Variants in ADAMTS18 observed in about 807,000 individuals in gnomAD.
The protein encoded by ADAMTS18 is A disintegrin and metalloproteinase with thrombospondin motifs 18.
In ADAMTS18, 157 loss-of-function variants were observed where a neutral mutation model predicts 165.9. The ratio of observed to expected loss-of-function variants is 0.95; its 90% confidence interval spans 0.83 to 1.08. ADAMTS18 has a LOEUF of 1.08. Ranked by LOEUF, ADAMTS18 falls within the 50% of genes least tolerant of loss-of-function variation. The pLI is 0.00. For missense variants in ADAMTS18, 2,040 were observed against 1,534.0 expected, an observed-to-expected ratio of 1.33 and a Z score of -5.51; for synonymous variants, 782 against 578.2, an observed-to-expected ratio of 1.35 and a Z score of -5.06.
chr16:77,294,254 G>A (rs1406330954), intron 19 of ADAMTS18, among the ~76,000 whole-genome samples: 1 of 152,072 alleles, frequency 6.6e-6, no homozygotes, highest in African/African-American at 2.4e-5. Flanking sequence ...CTGACATTTT[G>A]GATCAGATAA....
intron 2 of ADAMTS18, chr16:77,432,365 G>C (rs1387034893): frequency 6.6e-6 from 1 of 152,224 alleles, no homozygotes; most frequent in African/African-American, 2.4e-5. Flanking sequence ...GCATGTTGGT[G>C]GGGGAGTGTC....
chr16:77,336,050 G>A, intron 11 of ADAMTS18, 146 bp from the exon 12 acceptor site: 1 of 992,136 alleles, frequency 1.0e-6, no homozygotes, highest in South Asian at 1.3e-5. Context: ...CCTCTGCTGT[G>A]CTCTAAAAAC....
rs541200283 is a variant in ADAMTS18 at position 77,360,950 on chromosome 16, G to A, written c.1216+1155C>T. On this transcript the variant is annotated intron_variant, in intron 7 of 22. Transcript: ENST00000282849. ...AAAATACAAAAATTAGCCAGGTGTG[G>A]TGGTGGGTGCCTGTAAACCCAGCTA... Among the ~76,000 whole-genome samples, 5 of 152,210 alleles carry A rather than the reference G, an allele frequency of 3.3e-5. No homozygotes were observed. In the South Asian group the frequency reaches 6.2e-4, roughly 19 times the overall value.
At chr16:77,348,363 G>C (rs187921843) in intron 10 of ADAMTS18, among the ~76,000 whole-genome samples, 2 of 152,268 alleles carry the variant, frequency 1.3e-5, no homozygotes, top group African/African-American at 4.8e-5. Context: ...CACTGCATTA[G>C]ACCAACTATC....
intron 18 of ADAMTS18, among the ~76,000 whole-genome samples, chr16:77,295,449 A>T (rs2055451212): frequency 1.3e-5 from 2 of 152,164 alleles, no homozygotes; most frequent in Admixed American, 1.3e-4. Context: ...GGACTCTCCT[A>T]AGCATTAGGA....
intron 16 of ADAMTS18, among the ~76,000 whole-genome samples, chr16:77,317,198 A>T (rs2055902996): frequency 6.6e-6 from 1 of 152,088 alleles, no homozygotes; most frequent in South Asian, 2.1e-4. Context: ...GTAGTGCTGT[A>T]CTGTACCCTC....
intron 3 of ADAMTS18, among the ~76,000 whole-genome samples, chr16:77,379,382 C>G (rs2056999512): frequency 6.6e-6 from 1 of 152,186 alleles, no homozygotes; most frequent in Non-Finnish European, 1.5e-5. Context: ...AAATGAATGG[C>G]TATTGCTGGG....
At chr16:77,373,427 C>A (rs2056904637) in intron 3 of ADAMTS18, among the ~76,000 whole-genome samples, 1 of 150,458 alleles carries the variant, frequency 6.6e-6, no homozygotes, top group African/African-American at 2.5e-5. Flanking sequence ...CCACTGCACT[C>A]CAGCCTGGGC....
intron 13 of ADAMTS18, among the ~76,000 whole-genome samples, chr16:77,325,464 T>C (rs2056076697): frequency 6.6e-6 from 1 of 152,160 alleles, no homozygotes; most frequent in Admixed American, 6.5e-5. Context: ...ATGCTTGTAA[T>C]CAACTGACAT....
intron 3 of ADAMTS18, among the ~76,000 whole-genome samples, chr16:77,376,809 CTTTTTTTTTTT>C (rs549942617): frequency 9.7e-6 from 1 of 103,484 alleles, no homozygotes; most frequent in African/African-American, 3.7e-5. Flanking sequence ...CTAAATCATT[CTTTTTTTTTTT>C]TTTTTTTTTT....
intron 12 of ADAMTS18, 33 bp downstream of exon 12, chr16:77,335,723 C>T (rs751782881): frequency 5.0e-6 from 8 of 1,613,920 alleles, no homozygotes; most frequent in Admixed American, 3.3e-5. Flanking sequence ...AGGTTAAGGC[C>T]TTGCAAAGAC....
chr16:77,370,218 C>T (rs1057027865), intron 3 of ADAMTS18, among the ~76,000 whole-genome samples: 1 of 152,118 alleles, frequency 6.6e-6, no homozygotes, highest in Non-Finnish European at 1.5e-5. Flanking sequence ...CTACATAGTA[C>T]TGGAAGTCCT....
chr16:77,411,532 A>G (rs890194264), intron 3 of ADAMTS18, among the ~76,000 whole-genome samples: 2 of 152,164 alleles, frequency 1.3e-5, no homozygotes, highest in Admixed American at 6.6e-5. Context: ...GACAGGCATT[A>G]TTCAAATAAG....
At chr16:77,412,012 T>C (rs1452224144) in intron 3 of ADAMTS18, among the ~76,000 whole-genome samples, 2 of 151,776 alleles carry the variant, frequency 1.3e-5, no homozygotes, top group African/African-American at 4.8e-5. Context: ...TAAGCATCAT[T>C]CTGGGTGTGT....
At chr16:77,415,458 G>C (rs72801674) in intron 3 of ADAMTS18, among the ~76,000 whole-genome samples, 22,011 of 152,082 alleles carry the variant, frequency 0.14, 1,711 homozygotes, top group Middle Eastern at 0.31. Flanking sequence ...GGGCAAGATG[G>C]TTGCCAGCAA....
intron 3 of ADAMTS18, among the ~76,000 whole-genome samples, chr16:77,384,825 ATT>A (rs200039304): frequency 9.5e-6 from 1 of 104,798 alleles, no homozygotes; most frequent in South Asian, 3.4e-4. Context: ...TTTGCTTCAG[ATT>A]TTTTTAAAAA....
intron 16 of ADAMTS18, among the ~76,000 whole-genome samples, chr16:77,303,901 G>T (rs1465881565): frequency 6.6e-6 from 1 of 152,086 alleles, no homozygotes; most frequent in African/African-American, 2.4e-5. Context: ...CTGGTGGTGG[G>T]CACCTGTAGT....
At chr16:77,292,894 A>C in intron 20 of ADAMTS18, 182 bp downstream of exon 20, 1 of 605,488 alleles carries the variant, frequency 1.7e-6, no homozygotes, top group South Asian at 2.0e-5. Flanking sequence ...ATCTCAGCTC[A>C]CTGCAAACTC....
At chr16:77,315,176 A>G in intron 16 of ADAMTS18, among the ~76,000 whole-genome samples, 1 of 152,118 alleles carries the variant, frequency 6.6e-6, no homozygotes, top group Non-Finnish European at 1.5e-5. Context: ...TTTCTGTATC[A>G]TCTACTAATA....
Sources: allele counts gnomAD v4.1 joint callset (sites outside exome capture counted in the v4.1 genomes callset), GRCh38; gene constraint gnomAD v4.1.1; transcripts MANE v1.5; gene names NCBI Gene and HGNC (gene_info 2026-07-23, HGNC 2026-07-21).